The following MRE11 variants were observed in gnomAD, a reference collection of about 807,000 sequenced individuals.
MRE11 encodes double-strand break repair protein MRE11.
A neutral mutation model predicts 91.7 loss-of-function variants in MRE11; 62 were observed. That is an observed-to-expected ratio of 0.68 (90% CI 0.55 to 0.84). The LOEUF (loss-of-function observed/expected upper bound fraction) is 0.84. MRE11 is among the 40% of genes least tolerant of loss of function. MRE11 has a pLI of 0.00. For synonymous variants in MRE11, 273 were observed against 271.4 expected (o/e 1.01, Z -0.06); for missense variants, 796 against 852.9 (o/e 0.93, Z 0.83).
chr11:94,440,350 G>C (rs1381745228), intron 16 of MRE11, among the ~76,000 whole-genome samples: 1 of 151,908 alleles, frequency 6.6e-6, no homozygotes, highest in African/African-American at 2.4e-5. Flanking sequence ...TTGCAGGCTA[G>C]GTTATTCAGA....
At chr11:94,453,677 C>T (rs139517114) in intron 14 of MRE11, among the ~76,000 whole-genome samples, 25 of 152,214 alleles carry the variant, frequency 1.6e-4, no homozygotes, top group Admixed American at 6.5e-4. Flanking sequence ...GTTATTGTTA[C>T]TGTTGAGCTT....
upstream of MRE11, among the ~76,000 whole-genome samples, chr11:94,494,968 GAATT>G (rs569554081): frequency 1.1e-4 from 16 of 152,282 alleles, no homozygotes; most frequent in Admixed American, 6.5e-4. Context: ...AGCTCCAGGA[GAATT>G]AATAAAACAC....
intron 13 of MRE11, among the ~76,000 whole-genome samples, chr11:94,458,426 T>G (rs530327796): frequency 6.6e-6 from 1 of 152,326 alleles, no homozygotes; most frequent in African/African-American, 2.4e-5. Flanking sequence ...AAATATCTTC[T>G]CATGTTCTTC....
intron 2 of MRE11, 47 bp from the exon 3 acceptor site, chr11:94,491,012 A>C: frequency 9.0e-7 from 1 of 1,110,824 alleles, no homozygotes; most frequent in Non-Finnish European, 1.3e-6. Flanking sequence ...TAATTCATTA[A>C]AGGATATTCA....
At position 94,419,468 on chromosome 11, in the gene MRE11, G is replaced by GAGAC. The variant is rs2134729667; in HGVS notation, c.*656_*657insGTCT. The GAGAC allele has an allele frequency of 9.8e-6, 2 of 205,022 alleles. No individual in the cohort carries two copies. Among genetic ancestry groups the GAGAC allele is most frequent in the East Asian group, 1.5e-4 (2 of 13,002 alleles). 12.7% of individuals were successfully genotyped at this position (205,022 alleles called of 1,614,324 possible). ...GAGTGGGGAACGGGGGGGAGAGGGA[G>GAGAC]AGAGAGAGAGAGAGAGAGAGAGAGA... On this transcript the variant is annotated 3_prime_UTR_variant, in exon 20 of 20. Coordinates refer to ENST00000323929, the MANE Select transcript of MRE11 (RefSeq NM_005591.4).
At chr11:94,485,540 G>C (rs1947118921) in intron 4 of MRE11, among the ~76,000 whole-genome samples, 1 of 146,386 alleles carries the variant, frequency 6.8e-6, no homozygotes, top group Non-Finnish European at 1.5e-5. Context: ...AATAGGCAGA[G>C]GATACGAACA....
chr11:94,492,970 A>G lies in MRE11; in HGVS notation c.-105-64T>C. ...AGCCTGCACGTATTTAACCAACATG[A>G]TTTACGCTGCACAAGGTACAGACGT... On this transcript the variant is annotated intron_variant, in intron 1 of 19. Coordinates refer to ENST00000323929, the MANE Select transcript of MRE11 (RefSeq NM_005591.4). The G allele has an allele frequency of 1.1e-5, 7 of 659,940 alleles. No individual in the cohort carries two copies. The South Asian group carries it at 1.1e-4, about 10-fold the overall frequency. The allele number at this position is 659,940 out of a possible 1,614,324, so 40.9% of individuals were successfully genotyped here.
intron 14 of MRE11, among the ~76,000 whole-genome samples, chr11:94,451,245 C>T (rs1367998888): frequency 2.0e-5 from 3 of 151,934 alleles, no homozygotes; most frequent in African/African-American, 7.3e-5. Flanking sequence ...ATGCTCAATT[C>T]TAAATAATCT....
chr11:94,457,222 T>C (rs1379035565), intron 13 of MRE11, among the ~76,000 whole-genome samples: 1 of 152,160 alleles, frequency 6.6e-6, no homozygotes, highest in Non-Finnish European at 1.5e-5. Context: ...TCAAGTGAGA[T>C]GTAAGATAGA....
chr11:94,485,889 A>G, intron 4 of MRE11, 35 bp downstream of exon 4: 1 of 1,597,496 alleles, frequency 6.3e-7, no homozygotes, highest in African/African-American at 1.3e-5. Flanking sequence ...ACCATACACA[A>G]GTAATCACTC....
At chr11:94,430,121 C>G (rs558728090) in intron 18 of MRE11, 135 bp from the exon 19 acceptor site, 3 of 891,722 alleles carry the variant, frequency 3.4e-6, no homozygotes, top group African/African-American at 3.3e-5. Flanking sequence ...TCTACATTAG[C>G]GGCAATAAAA....
At chr11:94,448,431 A>C (rs1946005031) in intron 14 of MRE11, among the ~76,000 whole-genome samples, 3 of 151,802 alleles carry the variant, frequency 2.0e-5, no homozygotes, top group Admixed American at 6.6e-5. Flanking sequence ...ACAAAAAAAA[A>C]ACACAAAAGA....
At position 94,419,799 on chromosome 11, in the gene MRE11, AATTTT is replaced by A. The variant is rs1177059732; in HGVS notation, c.*321_*325del. On this transcript the variant is annotated 3_prime_UTR_variant, in exon 20 of 20. Transcript: ENST00000323929. ...AATTACTAAAATTATGAAGAAGTTA[AATTTT>A]ATAAGCTCTTTCCCTCAACTTTGGC... The A allele has an allele frequency of 4.0e-6, 1 of 247,382 alleles. No individual in the cohort carries two copies. Among genetic ancestry groups the A allele is most frequent in the African/African-American group, 2.2e-5 (1 of 45,596 alleles). 15.3% of individuals were successfully genotyped at this position (247,382 alleles called of 1,614,324 possible).
chr11:94,478,795 T>A lies in MRE11; in HGVS notation c.484A>T (p.Ile162Leu), dbSNP rs1207095262. The A allele has an allele frequency of 6.2e-7, 1 of 1,613,698 alleles. No individual in the cohort carries two copies. The highest frequency in any genetic ancestry group is 8.5e-7 in the Non-Finnish European group (1 of 1,179,926). ...TGAAGCAAAACCGGACTAATGTCTA[T>A]CTTCTCCACAGACATTGAACGTCCA... ...HFGRSMSVEK[I>L]DISPVLLQKG... The change falls in exon 6 of 20, where the codon ATA becomes TTA. Residue 162 changes from isoleucine (I) to leucine (L), a missense_variant. Coordinates refer to ENST00000323929, the MANE Select transcript of MRE11 (RefSeq NM_005591.4).
chr11:94,509,752 T>C, the MRE11 span, among the ~76,000 whole-genome samples: 1 of 152,340 alleles, frequency 6.6e-6, no homozygotes, highest in East Asian at 1.9e-4. Flanking sequence ...ATTTTCTATG[T>C]ATACAGCCAT....
the MRE11 span, among the ~76,000 whole-genome samples, chr11:94,504,625 G>A: frequency 6.6e-6 from 1 of 152,090 alleles, no homozygotes; most frequent in Non-Finnish European, 1.5e-5. Flanking sequence ...GGATACCAAA[G>A]TGGTTTTAGC....
At position 94,470,566 on chromosome 11, in the gene MRE11, A is replaced by G; in HGVS notation, c.922T>C (p.Phe308Leu). Reference protein sequence around the residue: ...KIPLHTVRQFFMEDIVLANHP... With the variant: ...KIPLHTVRQFLMEDIVLANHP... ...TTAGCTAGAACAATATCCTCCATGA[A>G]AAACTGCCGCACTGTGTGAAGAGGA... is the stretch of plus-strand genomic sequence containing the variant. Residue 308 changes from phenylalanine (F) to leucine (L), a missense_variant, in exon 9 of 20, where the codon TTC (phenylalanine) becomes CTC (leucine). Phe to Leu is a conservative substitution (Grantham distance 22). Transcript: ENST00000323929. The G allele has an allele frequency of 6.2e-7, 1 of 1,613,362 alleles. No individual in the cohort carries two copies. The highest frequency in any genetic ancestry group is 8.5e-7 in the Non-Finnish European group (1 of 1,179,450).
At chr11:94,495,876 A>G (rs150035973), upstream of MRE11, among the ~76,000 whole-genome samples, 3 of 152,308 alleles carry the variant, frequency 2.0e-5, no homozygotes, top group Non-Finnish European at 4.4e-5. Flanking sequence ...AGGTGAAGAC[A>G]TGGATCTTGC....
intron 18 of MRE11, among the ~76,000 whole-genome samples, chr11:94,433,422 T>A (rs1033004574): frequency 6.6e-6 from 1 of 152,192 alleles, no homozygotes. Flanking sequence ...TCAAACAACC[T>A]CCTTTTCCAC....
Sources: allele counts gnomAD v4.1 joint callset (sites outside exome capture counted in the v4.1 genomes callset), GRCh38; gene constraint gnomAD v4.1.1; transcripts MANE v1.5; gene names NCBI Gene and HGNC (gene_info 2026-07-23, HGNC 2026-07-21).